CD44: variants seen among roughly 807,000 people sequenced by gnomAD.
CD44 encodes CD44 antigen.
In CD44, 49 loss-of-function variants were observed where a neutral mutation model predicts 88.8. That is an observed-to-expected ratio of 0.55 (90% confidence interval 0.44 to 0.70). The LOEUF (loss-of-function observed/expected upper bound fraction) is 0.70, where lower values mean the gene tolerates loss of function less well. Ranked by LOEUF, CD44 falls within the 30% of genes least tolerant of loss-of-function variation. The pLI is 0.00. For synonymous variants in CD44, 325 were observed against 312.3 expected (o/e 1.04, Z -0.43); for missense variants, 883 against 913.8 (o/e 0.97, Z 0.43).
chr11:35,210,036 T>A lies in CD44; in HGVS notation c.1588T>A (p.Ser530Thr). 6.4e-7 allele frequency: 1 copy of A among 1,555,178 alleles called. No homozygotes were observed. The highest frequency in any genetic ancestry group is 8.6e-7 in the Non-Finnish European group (1 of 1,157,036). ...LEEDKDHPTTSTLTSSNRNDV... is the reference protein window; with the variant it reads ...LEEDKDHPTTTTLTSSNRNDV... ...AGAAGATAAAGACCATCCAACAACT[T>A]CTACTCTGACATCAAGCAGTAAGGA... Residue 530 changes from serine to threonine, a missense_variant, in exon 13 of 18, where the codon TCT becomes ACT. By Grantham distance (58) the Ser-to-Thr change is moderately conservative (BLOSUM62 1). Coordinates refer to ENST00000428726, the MANE Select transcript of CD44 (RefSeq NM_000610.4).
intron 11 of CD44, 95 bp from the exon 12 acceptor site, chr11:35,208,010 A>AATTTTAAATCT: frequency 2.7e-6 from 2 of 738,024 alleles, no homozygotes; most frequent in Non-Finnish European, 5.0e-6. Flanking sequence ...TCTTGGCCAG[A>AATTTTAAATCT]TGTGAATATT....
At chr11:35,204,028 T>G (rs910339956) in intron 9 of CD44, among the ~76,000 whole-genome samples, 1 of 152,228 alleles carries the variant, frequency 6.6e-6, no homozygotes, top group Non-Finnish European at 1.5e-5. Context: ...AATCCACTGC[T>G]GGTGCATTTC....
At chr11:35,159,565 G>GA (rs1458750056) in intron 1 of CD44, among the ~76,000 whole-genome samples, 6 of 151,420 alleles carry the variant, frequency 4.0e-5, no homozygotes, top group East Asian at 1.9e-4. Flanking sequence ...TAGGAGAAGG[G>GA]AAAAAAAACG....
At chr11:35,195,130 T>C (rs1946612719) in intron 5 of CD44, among the ~76,000 whole-genome samples, 1 of 152,204 alleles carries the variant, frequency 6.6e-6, no homozygotes. Flanking sequence ...AAGTGTATTG[T>C]TACAGGAGCT....
intron 5 of CD44, among the ~76,000 whole-genome samples, chr11:35,195,511 A>G (rs1946653921): frequency 6.6e-6 from 1 of 152,096 alleles, no homozygotes; most frequent in African/African-American, 2.4e-5. Flanking sequence ...AATGTGAAGG[A>G]AAAGGTCTTT....
At chr11:35,209,552 G>A (rs1023016288) in intron 12 of CD44, among the ~76,000 whole-genome samples, 6 of 151,950 alleles carry the variant, frequency 3.9e-5, no homozygotes, top group African/African-American at 7.3e-5. Flanking sequence ...TTTCCCTGCC[G>A]TCACATTTCT....
chr11:35,211,470 T>A, intron 14 of CD44, 21 bp downstream of exon 14: 2 of 1,572,152 alleles, frequency 1.3e-6, no homozygotes, highest in Non-Finnish European at 8.8e-7. Flanking sequence ...ATTTATTATC[T>A]AGTTTGCTTT....
In CD44 at chr11:35,201,528, T is replaced by A. The variant is rs183060125; in HGVS notation, c.1037-143T>A. On this transcript the variant is annotated intron_variant, in intron 8 of 17. Coordinates refer to ENST00000428726, the MANE Select transcript of CD44 (RefSeq NM_000610.4). Reference sequence around the variant, plus strand: ...TTCTCTTGAGACCAATTAGGTAAAGTCACTCAAAATTTTTGAGAGTGGATG... The same window carrying A: ...TTCTCTTGAGACCAATTAGGTAAAGACACTCAAAATTTTTGAGAGTGGATG... The A allele has an allele frequency of 5.3e-4, 485 of 921,578 alleles. 2 individuals carry two copies. In the East Asian group the frequency reaches 5.4e-3, roughly 10 times the overall value. The allele number at this position is 921,578 out of a possible 1,614,324, so 57.1% of individuals were successfully genotyped here. A position where few individuals can be genotyped will look rare whatever the true frequency, so the allele number is the denominator to read the frequency against.
At chr11:35,150,658 G>A (rs1005176211) in intron 1 of CD44, among the ~76,000 whole-genome samples, 43 of 152,164 alleles carry the variant, frequency 2.8e-4, no homozygotes, top group Admixed American at 9.2e-4. Flanking sequence ...AATCCCAGAT[G>A]TGCTCAGATC....
At chr11:35,201,383 AT>A (rs1442163575) in intron 8 of CD44, among the ~76,000 whole-genome samples, 188 bp downstream of exon 8, 1 of 152,130 alleles carries the variant, frequency 6.6e-6, no homozygotes, top group African/African-American at 2.4e-5. Flanking sequence ...TGGGCACAGG[AT>A]TTTTTATGTT....
intron 14 of CD44, 184 bp from the exon 15 acceptor site, chr11:35,214,668 G>A (rs777312085): frequency 7.8e-5 from 31 of 399,188 alleles, no homozygotes; most frequent in Non-Finnish European, 1.2e-4. Context: ...TTTATCAGTG[G>A]ATTAAGCAAT....
At chr11:35,145,479 C>T (rs1858939843) in intron 1 of CD44, among the ~76,000 whole-genome samples, 1 of 152,068 alleles carries the variant, frequency 6.6e-6, no homozygotes, top group African/African-American at 2.4e-5. Flanking sequence ...GTGAGCTCAC[C>T]CATCTGTTTG....
intron 1 of CD44, among the ~76,000 whole-genome samples, chr11:35,150,925 G>A (rs963445971): frequency 6.6e-6 from 1 of 152,218 alleles, no homozygotes; most frequent in Non-Finnish European, 1.5e-5. Context: ...GGACAGAAAT[G>A]AGGAAAGTGG....
chr11:35,181,935 A>ATTATATATAATATATATAAAT (rs1945141523), intron 3 of CD44, among the ~76,000 whole-genome samples: 1 of 46,918 alleles, frequency 2.1e-5, no homozygotes, highest in South Asian at 6.2e-4. Flanking sequence ...ATTATATATA[A>ATTATATATAATATATATAAAT]ATTATATATA....
At chr11:35,210,260 C>G in intron 13 of CD44, 1 of 369,292 alleles carries the variant, frequency 2.7e-6, no homozygotes, top group Non-Finnish European at 4.8e-6. Context: ...ATTTCTTCAT[C>G]TTAAAAGTTG....
chr11:35,211,459 C>T lies in CD44; in HGVS notation c.1810+10C>T. ...AATCGTTCCTTATCAGGTAATTTGGCATTTATTATCTAGTTTGCTTTCTCT... is the reference window on the plus strand; with the variant it reads ...AATCGTTCCTTATCAGGTAATTTGGTATTTATTATCTAGTTTGCTTTCTCT... On this transcript the variant is annotated intron_variant, in intron 14 of 17. Coordinates refer to ENST00000428726, the MANE Select transcript of CD44 (RefSeq NM_000610.4). 5.6e-6 allele frequency: 9 copies of T among 1,600,690 alleles called. No homozygotes were observed. The highest frequency in any genetic ancestry group is 7.7e-6 in the Non-Finnish European group (9 of 1,168,078).
At chr11:35,196,512 T>C (rs909252172) in intron 5 of CD44, among the ~76,000 whole-genome samples, 1 of 129,936 alleles carries the variant, frequency 7.7e-6, no homozygotes, top group Non-Finnish European at 1.6e-5. Context: ...ATCTTTAATA[T>C]AAGGAGCATG....
intron 9 of CD44, among the ~76,000 whole-genome samples, chr11:35,203,315 CT>C (rs35863501): frequency 0.74 from 112,422 of 152,034 alleles, 42,297 homozygotes; most frequent in East Asian, 0.93. Flanking sequence ...GCATAGTGTT[CT>C]ATACAGTCAC....
At chr11:35,209,729 C>A (rs527624521) in intron 12 of CD44, among the ~76,000 whole-genome samples, 1 of 152,268 alleles carries the variant, frequency 6.6e-6, no homozygotes, top group African/African-American at 2.4e-5. Context: ...CTTCACCTTG[C>A]CACTTTACCT....
Sources: gnomAD v4.1 joint callset for allele counts (sites outside exome capture counted in the v4.1 genomes callset) on GRCh38, gnomAD v4.1.1 for gene constraint, MANE v1.5 for transcripts, NCBI Gene and HGNC (gene_info 2026-07-23, HGNC 2026-07-21) for gene names.